POU2F2: variants seen among roughly 807,000 people sequenced by gnomAD.
POU2F2 encodes the protein POU class 2 homeobox 2.
POU2F2 carries 14 observed loss-of-function variants against 63.5 expected under a neutral mutation model. That is an observed-to-expected ratio of 0.22 (90% CI 0.15 to 0.34). The LOEUF (loss-of-function observed/expected upper bound fraction) is 0.34, where lower values mean the gene tolerates loss of function less well. Ranked by LOEUF, POU2F2 falls within the 10% of genes least tolerant of loss-of-function variation. POU2F2 has a pLI of 1.00. For missense variants in POU2F2, 607 were observed against 815.2 expected, an observed-to-expected ratio of 0.74 and a Z score of 3.11; for synonymous variants, 306 against 348.6, an observed-to-expected ratio of 0.88 and a Z score of 1.36.
intron 2 of POU2F2, among the ~76,000 whole-genome samples, chr19:42,137,887 GAAAC>G (rs753159223): frequency 6.6e-6 from 1 of 152,216 alleles, no homozygotes; most frequent in Admixed American, 6.5e-5. Context: ...TGGCCCCATG[GAAAC>G]AAACAGTGTG....
At chr19:42,167,979 G>C (rs1320527737) in intron 1 of POU2F2, among the ~76,000 whole-genome samples, 1 of 152,224 alleles carries the variant, frequency 6.6e-6, no homozygotes, top group Non-Finnish European at 1.5e-5. Flanking sequence ...GCTCAGGCCT[G>C]GCCACAGGAG....
At chr19:42,171,662 C>T (rs2034772174) in intron 1 of POU2F2, among the ~76,000 whole-genome samples, 1 of 152,180 alleles carries the variant, frequency 6.6e-6, no homozygotes, top group African/African-American at 2.4e-5. Context: ...TGCTGCCTCC[C>T]TGGCCTCACT....
intron 4 of POU2F2, among the ~76,000 whole-genome samples, chr19:42,121,755 C>T (rs2032633369): frequency 6.6e-6 from 1 of 152,202 alleles, no homozygotes; most frequent in African/African-American, 2.4e-5. Flanking sequence ...CAGCTATCCT[C>T]AACTGGTACC....
chr19:42,154,952 G>A (rs901711942), intron 2 of POU2F2, among the ~76,000 whole-genome samples: 1 of 152,130 alleles, frequency 6.6e-6, no homozygotes, highest in East Asian at 1.9e-4. Flanking sequence ...CACATGGGTA[G>A]GGAGAGCAGT....
intron 1 of POU2F2, among the ~76,000 whole-genome samples, chr19:42,165,374 G>C (rs1419534916): frequency 6.6e-6 from 1 of 152,220 alleles, no homozygotes; most frequent in Non-Finnish European, 1.5e-5. Flanking sequence ...AGGGCTTACA[G>C]ACAGGAGGAA....
intron 4 of POU2F2, among the ~76,000 whole-genome samples, chr19:42,118,359 AG>A (rs2032183633): frequency 6.6e-6 from 1 of 152,226 alleles, no homozygotes; most frequent in Admixed American, 6.5e-5. Context: ...AATGAATGAC[AG>A]GAGTAGGGGT....
chr19:42,090,953 T>G lies in POU2F2; in HGVS notation c.*304A>C. The G allele has an allele frequency of 2.4e-5, 6 of 248,050 alleles. No individual in the cohort carries two copies. Among genetic ancestry groups the G allele is most frequent in the Non-Finnish European group, 3.1e-5 (4 of 130,518 alleles). 15.4% of individuals were successfully genotyped at this position (248,050 alleles called of 1,614,324 possible). A position where few individuals can be genotyped will look rare whatever the true frequency, so the allele number is the denominator to read the frequency against. On this transcript the variant is annotated 3_prime_UTR_variant, in exon 15 of 15. Coordinates refer to ENST00000692977, the MANE Select transcript of POU2F2 (RefSeq NM_001394376.1). The surrounding 1 kb of genome is among the most constrained non-coding windows in gnomAD (Gnocchi z 4.4). ...GTCTGGCTCGCGACTGGTTTTTTGG[T>G]TTGTTTGATTTTGTGGGTTTTTTTT...
intron 1 of POU2F2, among the ~76,000 whole-genome samples, chr19:42,181,246 C>T (rs1486844303): frequency 6.6e-6 from 1 of 152,244 alleles, no homozygotes; most frequent in African/African-American, 2.4e-5. Flanking sequence ...ACACACCAGG[C>T]ACATGCAAAG....
intron 1 of POU2F2, among the ~76,000 whole-genome samples, chr19:42,131,122 G>A: frequency 9.1e-6 from 1 of 109,486 alleles, no homozygotes. Flanking sequence ...TTCTGCCTGG[G>A]CCTCCCCCAT....
intron 1 of POU2F2, among the ~76,000 whole-genome samples, chr19:42,184,895 C>A (rs1459009808): frequency 6.6e-6 from 1 of 152,054 alleles, no homozygotes. Flanking sequence ...GGATACCCAG[C>A]CACCTCCTAG....
upstream of POU2F2, among the ~76,000 whole-genome samples, chr19:42,178,367 A>T (rs778393585): frequency 6.6e-6 from 1 of 152,208 alleles, no homozygotes; most frequent in Non-Finnish European, 1.5e-5. Context: ...AGACACAGAA[A>T]TAAGAGAGAT....
Position 42,117,307 on chromosome 19 carries a change from C to T in POU2F2, c.312G>A (p.Pro104=), listed in dbSNP as rs765377133. Residue 104 remains proline (P), a synonymous_variant, in exon 5 of 15, where the codon CCG becomes CCA. Coordinates refer to ENST00000692977, the MANE Select transcript of POU2F2 (RefSeq NM_001394376.1). This position sits in a 1 kb window ranked among gnomAD's most constrained non-coding sequence, Gnocchi z 4.4. ...SAPAAPLPPQ[P]AQPHLPQAQL... ...GGGCCTGGGGCAGATGAGGCTGGGC[C>T]GGCTGAGGGGGCAGGGGTGCTGCTG... 12 of 1,514,310 alleles carry T rather than the reference C, an allele frequency of 7.9e-6. No individual in the cohort carries two copies. In the South Asian group the frequency reaches 1.2e-4, roughly 15 times the overall value. 93.8% of individuals were successfully genotyped at this position (1,514,310 alleles called of 1,614,324 possible).
At chr19:42,151,123 C>T (rs1227737423) in intron 2 of POU2F2, among the ~76,000 whole-genome samples, 1 of 152,234 alleles carries the variant, frequency 6.6e-6, no homozygotes, top group African/African-American at 2.4e-5. Context: ...GTCAAGGTGG[C>T]TCTGAGCCCC....
chr19:42,143,566 C>G (rs2034171075), intron 2 of POU2F2, among the ~76,000 whole-genome samples: 1 of 152,166 alleles, frequency 6.6e-6, no homozygotes, highest in Admixed American at 6.5e-5. Flanking sequence ...AGGGTACTAA[C>G]GACCCAAGCC....
chr19:42,164,422 T>C (rs1232185983), intron 1 of POU2F2, among the ~76,000 whole-genome samples: 1 of 151,618 alleles, frequency 6.6e-6, no homozygotes, highest in Non-Finnish European at 1.5e-5. Context: ...ACAAAAATAG[T>C]TAGCTAGGCG....
Position 42,194,795 on chromosome 19 carries a change from GGGGA to G in POU2F2, c.-70+1584_-70+1587del, listed in dbSNP as rs1378617760. On this transcript the variant is annotated intron_variant, in intron 1 of 5. Coordinates refer to the POU2F2 transcript ENST00000532176. ...AAAAAAAAAAAAAAAAAGACAGGAA[GGGGA>G]GGGAGGGAGGAAGAAGGAAGAAAGG... is the stretch of plus-strand genomic sequence containing the variant. 4.4e-5 allele frequency among the ~76,000 whole-genome samples: 6 copies of G among 137,518 alleles called. No individual in the cohort carries two copies. In the East Asian group the frequency reaches 1.1e-3, roughly 24 times the overall value. The allele number at this position is 137,518 out of a possible 152,430, so 90.2% of individuals were successfully genotyped here.
At chr19:42,129,117 G>A (rs2033469046) in intron 1 of POU2F2, among the ~76,000 whole-genome samples, 1 of 152,052 alleles carries the variant, frequency 6.6e-6, no homozygotes, top group South Asian at 2.1e-4. Flanking sequence ...ACAGGCATGA[G>A]CCACCGCACC....
chr19:42,163,485 G>GA (rs1477179219), intron 1 of POU2F2, among the ~76,000 whole-genome samples: 1 of 152,122 alleles, frequency 6.6e-6, no homozygotes, highest in Non-Finnish European at 1.5e-5. Context: ...GAGTGGGCAG[G>GA]ACATAGGCCG....
intron 12 of POU2F2, among the ~76,000 whole-genome samples, chr19:42,093,308 C>T (rs1036098409): frequency 6.6e-6 from 1 of 151,748 alleles, no homozygotes; most frequent in African/African-American, 2.4e-5. Flanking sequence ...CCACACCCAG[C>T]GAATTTTATA....
Sources: allele counts gnomAD v4.1 joint callset (sites outside exome capture counted in the v4.1 genomes callset), GRCh38; gene constraint gnomAD v4.1.1; non-coding constraint Gnocchi (gnomAD v3.1); transcripts MANE v1.5; gene names NCBI Gene and HGNC (gene_info 2026-07-23, HGNC 2026-07-21).